ADGRB1: variants seen among roughly 807,000 people sequenced by gnomAD.
ADGRB1 encodes the protein adhesion G protein-coupled receptor B1.
In ADGRB1, 36 loss-of-function variants were observed where a neutral mutation model predicts 175.7. The observed-to-expected ratio is 0.20, with a 90% CI of 0.16 to 0.27. The LOEUF (loss-of-function observed/expected upper bound fraction) is 0.27. Ranked by LOEUF, ADGRB1 falls within the 10% of genes least tolerant of loss-of-function variation. The pLI is 1.00. For missense variants in ADGRB1, 1,731 were observed against 2,255.3 expected (o/e 0.77, Z 4.71); for synonymous variants, 1,054 against 979.4 (o/e 1.08, Z -1.42).
chr8:142,467,899 T>C (rs1189906514), intron 2 of ADGRB1, among the ~76,000 whole-genome samples: 8 of 152,192 alleles, frequency 5.3e-5, no homozygotes, highest in Non-Finnish European at 8.8e-5. Flanking sequence ...GAAATATCAA[T>C]ATGCTCGCGT....
intron 2 of ADGRB1, 107 bp from the exon 3 acceptor site, chr8:142,475,367 C>T: frequency 8.7e-7 from 1 of 1,144,242 alleles, no homozygotes; most frequent in Non-Finnish European, 1.1e-6. Context: ...CACTGCGGCC[C>T]CTCCCCACCC....
intron 18 of ADGRB1, among the ~76,000 whole-genome samples, chr8:142,513,227 G>T (rs897188977): frequency 6.6e-6 from 1 of 152,200 alleles, no homozygotes; most frequent in Non-Finnish European, 1.5e-5. Context: ...GAGCCTCAGT[G>T]TCCTCATCTG....
chr8:142,461,678 AG>A (rs1839978277), intron 1 of ADGRB1, among the ~76,000 whole-genome samples: 1 of 152,056 alleles, frequency 6.6e-6, no homozygotes, highest in African/African-American at 2.4e-5. Flanking sequence ...TGGGATGAGG[AG>A]GGGAAAGGTG....
At chr8:142,532,300 G>A (rs900983238) in intron 24 of ADGRB1, among the ~76,000 whole-genome samples, 6 of 152,188 alleles carry the variant, frequency 3.9e-5, no homozygotes, top group African/African-American at 9.7e-5. Context: ...CCACAGCCCC[G>A]GGAAGCAGGT....
At chr8:142,531,314 C>G (rs1423935381) in intron 24 of ADGRB1, among the ~76,000 whole-genome samples, 3 of 152,248 alleles carry the variant, frequency 2.0e-5, no homozygotes, top group Non-Finnish European at 2.9e-5. Flanking sequence ...GGAGGGCCTC[C>G]TCATCACAGG....
At chr8:142,500,348 CCCCCGCCCCCCG>C (rs1842447881) in intron 17 of ADGRB1, among the ~76,000 whole-genome samples, 1 of 66,102 alleles carries the variant, frequency 1.5e-5, no homozygotes, top group African/African-American at 6.2e-5. Context: ...CGCCGCTCCT[CCCCCGCCCCCCG>C]CGCCTTTCCT....
At chr8:142,478,503 G>GGT (rs1041532035) in intron 7 of ADGRB1, 143 bp downstream of exon 7, 27 of 1,040,786 alleles carry the variant, frequency 2.6e-5, no homozygotes, top group Non-Finnish European at 3.7e-5. Flanking sequence ...TGGGGTCTGG[G>GGT]GTGGCTGTGG....
chr8:142,465,414 G>C (rs1458908594), intron 2 of ADGRB1, among the ~76,000 whole-genome samples: 1 of 152,196 alleles, frequency 6.6e-6, no homozygotes, highest in Non-Finnish European at 1.5e-5. Flanking sequence ...CTGGGGCTGG[G>C]GACTGCAGGA....
chr8:142,480,024 C>T (rs182044972), intron 9 of ADGRB1, among the ~76,000 whole-genome samples: 13 of 152,322 alleles, frequency 8.5e-5, no homozygotes, highest in African/African-American at 1.9e-4. Context: ...TCAGCCCTAA[C>T]GCAAGATGTC....
chr8:142,484,775 C>A lies in ADGRB1; in HGVS notation c.2308+11C>A. 6.4e-7 allele frequency: 1 copy of A among 1,566,446 alleles called. No individual in the cohort carries two copies. The highest frequency in any genetic ancestry group is 1.2e-5 in the South Asian group (1 of 86,724). On this transcript the variant is annotated intron_variant, in intron 13 of 30. Transcript: ENST00000517894. ...TGACAGACAACCTGGGTAAGCCTGC[C>A]CGCCTGCTGCCACCCCCCATGCCTT...
At position 142,479,716 on chromosome 8, in the gene ADGRB1, G is replaced by A; in HGVS notation, c.1750G>A (p.Asp584Asn). The change falls in exon 9 of 31, where the codon GAC (aspartate) becomes AAC (asparagine). Residue 584 changes from aspartate (D) to asparagine (N), a missense_variant. By Grantham distance (23) the Asp-to-Asn change is conservative. Coordinates refer to ENST00000517894, the MANE Select transcript of ADGRB1 (RefSeq NM_001702.3). ...AGAGCCCCATGAGATCTGTGATGAG[G>A]ACAACTTTGGTGCTGTGATCTGGAA... Reference protein sequence around the residue: ...CPEPHEICDEDNFGAVIWKET... With the variant: ...CPEPHEICDENNFGAVIWKET... The A allele has an allele frequency of 6.2e-7, 1 of 1,613,638 alleles. No homozygotes were observed. Among genetic ancestry groups the A allele is most frequent in the Non-Finnish European group, 8.5e-7 (1 of 1,179,684 alleles).
intron 25 of ADGRB1, among the ~76,000 whole-genome samples, chr8:142,536,695 G>A (rs1450475993): frequency 6.6e-6 from 1 of 152,030 alleles, no homozygotes; most frequent in Non-Finnish European, 1.5e-5. Flanking sequence ...GTTCTCGCAG[G>A]CGGACTCTGG....
rs753823931 is a variant in ADGRB1, at chr8:142,542,238, G to A, written c.4004G>A (p.Arg1335Gln). ...IFKKLDSELS[R>Q]AQEKALDTSY... is the part of the protein sequence containing the mutation. ...AAGAAGCTGGACTCGGAGCTGAGCC[G>A]GGCCCAGGAGAAGGCTCTGGACACG... Residue 1335 changes from arginine (R) to glutamine (Q), a missense_variant, in exon 28 of 31, where the codon CGG (arginine) becomes CAG (glutamine). Transcript: ENST00000517894. The surrounding 1 kb of genome is among the most constrained non-coding windows in gnomAD (Gnocchi z 6.3). The A allele has an allele frequency of 8.7e-6, 14 of 1,613,456 alleles. No homozygotes were observed. Among genetic ancestry groups the A allele is most frequent in the Admixed American group, 5.0e-5 (3 of 60,004 alleles).
intron 16 of ADGRB1, among the ~76,000 whole-genome samples, 168 bp from the exon 17 acceptor site, chr8:142,490,604 G>T (rs1841935336): frequency 1.3e-5 from 2 of 152,232 alleles, no homozygotes; most frequent in Non-Finnish European, 2.9e-5. Flanking sequence ...TTGGGCCACT[G>T]CTGTCTCCAC....
At chr8:142,518,322 G>A (rs1416019220) in intron 19 of ADGRB1, 81 bp downstream of exon 19, 2 of 1,458,650 alleles carry the variant, frequency 1.4e-6, no homozygotes, top group African/African-American at 2.8e-5. Flanking sequence ...CACGGGCGGG[G>A]TCGTGGGTGC....
chr8:142,529,689 C>T (rs1401617813), intron 24 of ADGRB1, among the ~76,000 whole-genome samples: 4 of 121,744 alleles, frequency 3.3e-5, no homozygotes, highest in South Asian at 2.3e-4. Context: ...TGTGAGCGTG[C>T]ATCGGTGTAC....
chr8:142,544,009 C>A (rs555054952), intron 30 of ADGRB1, among the ~76,000 whole-genome samples: 2 of 152,220 alleles, frequency 1.3e-5, no homozygotes, highest in East Asian at 3.9e-4. Context: ...GGTTCGCAAC[C>A]TCTGCCAAGG....
At chr8:142,516,840 G>A (rs976889501) in intron 18 of ADGRB1, among the ~76,000 whole-genome samples, 4 of 152,150 alleles carry the variant, frequency 2.6e-5, no homozygotes, top group African/African-American at 9.7e-5. Context: ...CTCAGGTGAT[G>A]GGTTGGGAAG....
rs933507393 is a variant in ADGRB1 at position 142,464,648 on chromosome 8, G to T, written c.450G>T (p.Pro150=). Residue 150 remains proline, a synonymous_variant, in exon 2 of 31, where the codon CCG becomes CCT. Transcript: ENST00000517894. ...TCCTGCAGATGCGGCGCCAGCAGCCGCCCCAGCACGACGGGCTCCGGCCCC... is the reference window on the plus strand; with the variant it reads ...TCCTGCAGATGCGGCGCCAGCAGCCTCCCCAGCACGACGGGCTCCGGCCCC... ...KQFLQMRRQQ[P]PQHDGLRPRA... is the part of the protein sequence containing the mutation. 6.6e-6 allele frequency: 10 copies of T among 1,518,928 alleles called. No homozygotes were observed. Among genetic ancestry groups the T allele is most frequent in the Non-Finnish European group, 8.8e-6 (10 of 1,138,734 alleles). The allele number at this position is 1,518,928 out of a possible 1,614,324, so 94.1% of individuals were successfully genotyped here.
Sources: allele counts gnomAD v4.1 joint callset (sites outside exome capture counted in the v4.1 genomes callset), GRCh38; gene constraint gnomAD v4.1.1; non-coding constraint Gnocchi (gnomAD v3.1); transcripts MANE v1.5; gene names NCBI Gene and HGNC (gene_info 2026-07-23, HGNC 2026-07-21).